The following HCFC1 variants were observed in gnomAD, a reference collection of about 807,000 sequenced individuals.
HCFC1 encodes the protein host cell factor 1.
A neutral mutation model predicts 105.5 loss-of-function variants in HCFC1; 7 were observed. The observed-to-expected ratio is 0.07, with a 90% CI of 0.04 to 0.12. The LOEUF is 0.12. HCFC1 is among the 10% of genes least tolerant of loss of function. The pLI is 1.00. For missense variants in HCFC1, 1,065 were observed against 1,823.6 expected, an observed-to-expected ratio of 0.58 and a Z score of 7.58; for synonymous variants, 918 against 828.1, an observed-to-expected ratio of 1.11 and a Z score of -1.86.
intron 5 of HCFC1, 120 bp from the exon 6 acceptor site, chrX:153,961,768 G>A (rs2065431287): frequency 9.5e-6 from 5 of 526,998 alleles, no homozygotes; most frequent in African/African-American, 9.2e-5. Context: ...AGTCCCCAAG[G>A]ATGCGTGAAG....
At chrX:153,963,475 C>T (rs782137975) in intron 3 of HCFC1, 42 bp from the exon 4 acceptor site, 94 of 995,852 alleles carry the variant, frequency 9.4e-5, no homozygotes, top group Non-Finnish European at 1.3e-4. Flanking sequence ...CGACTCCTCA[C>T]GCCAGAGGCT....
intron 6 of HCFC1, 53 bp from the exon 7 acceptor site, chrX:153,960,467 A>G: frequency 1.1e-6 from 1 of 945,535 alleles, no homozygotes; most frequent in Non-Finnish European, 1.4e-6. Context: ...GAAACCCGCC[A>G]CCCCTGGTTG....
At chrX:153,958,963 G>C (rs923564966) in intron 9 of HCFC1, among the ~76,000 whole-genome samples, 197 bp from the exon 10 acceptor site, 1 of 112,699 alleles carries the variant, frequency 8.9e-6, no homozygotes, top group South Asian at 3.6e-4. Flanking sequence ...CACCATGCAC[G>C]GCAACCCCCG....
In HCFC1 at chrX:153,951,295, G is replaced by A. The variant is rs781945484; in HGVS notation, c.5517+55C>T. 128 of 1,177,285 alleles carry A rather than the reference G, an allele frequency of 1.1e-4. 1 individual carries two copies. In the South Asian group the frequency reaches 2.2e-3, roughly 21 times the overall value. On this transcript the variant is annotated intron_variant, in intron 22 of 25. Transcript: ENST00000310441. ...GGAGTTTCCTGTAAGCCCCGCTCAG[G>A]GTGGTGGAGCCAAGACCCACCCACC...
intron 1 of HCFC1, among the ~76,000 whole-genome samples, chrX:153,966,105 G>C (rs1239595423): frequency 8.9e-6 from 1 of 112,275 alleles, no homozygotes; most frequent in East Asian, 2.8e-4. Flanking sequence ...AGCTACTCAG[G>C]AGGCTGAGGC....
Position 153,971,092 on chromosome X carries a change from G to A in HCFC1, c.-252C>T, listed in dbSNP as rs917942486. 2 of 353,302 alleles carry A rather than the reference G, an allele frequency of 5.7e-6. No individual in the cohort carries two copies. Among genetic ancestry groups the A allele is most frequent in the East Asian group, 4.7e-5 (1 of 21,263 alleles). 29.1% of individuals were successfully genotyped at this position (353,302 alleles called of 1,213,427 possible). The stretch of plus-strand genomic sequence containing the variant: ...AGCGCCTAGGCTCAAGAAGCTGGAG[G>A]CCGCTGAGTCCCGTCGCCCCGACTA... On this transcript the variant is annotated 5_prime_UTR_variant, in exon 1 of 26. Transcript: ENST00000310441.
chrX:153,955,230 C>A lies in HCFC1; in HGVS notation c.3169G>T (p.Ala1057Ser). 1 of 1,211,511 alleles carries A rather than the reference C, an allele frequency of 8.3e-7. No individual in the cohort carries two copies. ...CCCACAGTCGAGGTCACAAGAGAAG[C>A]AGCTGCCTCCTGTCTGTCACAGACG... ...QFVCDRQEAA[A>S]SLVTSTVGQQ... The change falls in exon 17 of 26, where the codon GCT becomes TCT. Residue 1057 changes from alanine to serine, a missense_variant. Around this residue, in one of 17 missense-constraint regions of HCFC1, gnomAD observed 546 missense variants for 599.9 expected, o/e 0.91. Coordinates refer to ENST00000310441, the MANE Select transcript of HCFC1 (RefSeq NM_005334.3).
chrX:153,964,846 G>A (rs1244908512), intron 1 of HCFC1, 120 bp from the exon 2 acceptor site: 3 of 733,521 alleles, frequency 4.1e-6, no homozygotes, highest in African/African-American at 2.2e-5. Context: ...CCCTGCGGGC[G>A]CTCTAGCAAC....
chrX:153,952,985 G>T, intron 18 of HCFC1, 27 bp from the exon 19 acceptor site: 1 of 1,129,366 alleles, frequency 8.9e-7, no homozygotes. Context: ...GCAGAGAAGG[G>T]CATGTCAGAA....
chrX:153,955,303 A>T lies in HCFC1; in HGVS notation c.3096T>A (p.Thr1032=). The T allele has an allele frequency of 8.4e-7, 1 of 1,193,003 alleles. No individual in the cohort carries two copies. The highest frequency in any genetic ancestry group is 1.1e-6 in the Non-Finnish European group (1 of 889,314). Residue 1032 remains threonine, a synonymous_variant, in exon 17 of 26, where the codon ACT becomes ACA. Coordinates refer to ENST00000310441, the MANE Select transcript of HCFC1 (RefSeq NM_005334.3). The stretch of plus-strand genomic sequence containing the variant: ...GGTGTCCCCCAAGGTTAGCCACAAC[A>T]GTAGTGGTGGCCGTGTTGGTGGTGC... The part of the protein sequence containing the change: ...ETGTTNTATT[T]VVANLGGHPQ...
At chrX:153,961,932 C>A (rs2065432694) in intron 5 of HCFC1, among the ~76,000 whole-genome samples, 1 of 112,348 alleles carries the variant, frequency 8.9e-6, no homozygotes, top group Non-Finnish European at 1.9e-5. Flanking sequence ...CACAAAGACA[C>A]CCAGGTGCTT....
chrX:153,952,830 C>T lies in HCFC1; in HGVS notation c.4626G>A (p.Glu1542=), dbSNP rs372900932. The change falls in exon 19 of 26, where the codon GAG becomes GAA. Residue 1542 remains glutamate (E), a synonymous_variant. Transcript: ENST00000310441. ...TGCTCAGATCCACGGCGGCCGGGAG[C>T]TCAGGGGTCTGGGAGGCTGACAGGA... ...AEVLSASQTP[E]LPAAVDLSST... 105 of 1,193,314 alleles carry T rather than the reference C, an allele frequency of 8.8e-5. 7 individuals carry two copies. The East Asian group carries it at 1.2e-3, about 14-fold the overall frequency.
intron 7 of HCFC1, 32 bp downstream of exon 7, chrX:153,960,203 G>C (rs782101978): frequency 8.4e-6 from 10 of 1,190,494 alleles, no homozygotes; most frequent in Non-Finnish European, 7.9e-6. Flanking sequence ...GGGAGGCTAT[G>C]GGAGGAGGGG....
At chrX:153,956,141 C>T in intron 16 of HCFC1, 50 bp downstream of exon 16, 2 of 1,102,293 alleles carry the variant, frequency 1.8e-6, no homozygotes. Context: ...TCACGTGCTT[C>T]CACTTGTGTG....
intron 16 of HCFC1, 84 bp downstream of exon 16, chrX:153,956,107 G>A (rs1424543549): frequency 2.2e-6 from 2 of 901,147 alleles, no homozygotes; most frequent in Non-Finnish European, 3.2e-6. Context: ...GGAAGGAAAG[G>A]CCTGTGGACG....
In HCFC1 at chrX:153,948,604, A is replaced by G. The variant is rs891962304; in HGVS notation, c.*743T>C. The G allele has an allele frequency of 8.8e-6, 1 of 113,874 alleles. No individual in the cohort carries two copies. Among genetic ancestry groups the G allele is most frequent in the African/African-American group, 3.2e-5 (1 of 31,319 alleles). 9.4% of individuals were successfully genotyped at this position (113,874 alleles called of 1,213,427 possible). A position where few individuals can be genotyped will look rare whatever the true frequency, so the allele number is the denominator to read the frequency against. The stretch of plus-strand genomic sequence containing the variant: ...AACCCCACACGCTAAAATTACAATG[A>G]AAGTGTGAACTTCACCAATTGCAAC... On this transcript the variant is annotated 3_prime_UTR_variant, in exon 26 of 26. Transcript: ENST00000310441.
Position 153,953,625 on chromosome X carries a change from G to T in HCFC1, c.4479C>A (p.Val1493=). 8.3e-7 allele frequency: 1 copy of T among 1,210,057 alleles called. No individual in the cohort carries two copies. The change falls in exon 18 of 26, where the codon GTC becomes GTA. Residue 1493 remains valine, a synonymous_variant. Transcript: ENST00000310441. ...AVTTVTQSTP[V]PGPSVPPPEE... Reference sequence around the variant, plus strand: ...CTCTTACCGGCACAGAGGGGCCCGGGACCGGTGTGGACTGCGTCACGGTGG... The same window carrying T: ...CTCTTACCGGCACAGAGGGGCCCGGTACCGGTGTGGACTGCGTCACGGTGG...
Position 153,957,900 on chromosome X carries a change from G to C in HCFC1, c.2029-14C>G. On this transcript the variant is annotated splice_polypyrimidine_tract_variant and intron_variant, in intron 11 of 25. Coordinates refer to ENST00000310441, the MANE Select transcript of HCFC1 (RefSeq NM_005334.3). The stretch of plus-strand genomic sequence containing the variant: ...CAGATTGGAAATCTAAAAAGGAAGG[G>C]ATGGAGCAAGGAGTGATCTGGAAAC... 8.5e-7 allele frequency: 1 copy of C among 1,178,031 alleles called. No individual in the cohort carries two copies. Among genetic ancestry groups the C allele is most frequent in the Non-Finnish European group, 1.2e-6 (1 of 864,640 alleles).
At chrX:153,953,450 TG>T (rs1182385245) in intron 18 of HCFC1, among the ~76,000 whole-genome samples, 156 bp downstream of exon 18, 1 of 112,200 alleles carries the variant, frequency 8.9e-6, no homozygotes, top group Non-Finnish European at 1.9e-5. Flanking sequence ...TCCTGCCTCC[TG>T]CCGCAGCAGG....
Sources: gnomAD v4.1 joint callset for allele counts (sites outside exome capture counted in the v4.1 genomes callset) on GRCh38, gnomAD v4.1.1 for gene constraint, gnomAD v4.1.1 regional missense constraint, MANE v1.5 for transcripts, NCBI Gene and HGNC (gene_info 2026-07-23, HGNC 2026-07-21) for gene names.